The following RANBP2 variants were observed in gnomAD, a reference collection of about 807,000 sequenced individuals.
The protein encoded by RANBP2 is E3 SUMO-protein ligase RanBP2.
A neutral mutation model predicts 303.6 loss-of-function variants in RANBP2; 57 were observed. That is an observed-to-expected ratio of 0.19 (90% CI 0.15 to 0.23). The LOEUF (loss-of-function observed/expected upper bound fraction) is 0.23. Among genes scored for constraint, RANBP2 ranks in the 10% least tolerant of loss-of-function variants. The pLI is 1.00. For missense variants in RANBP2, 3,138 were observed against 3,780.8 expected, an observed-to-expected ratio of 0.83 and a Z score of 4.46; for synonymous variants, 1,167 against 1,301.5, an observed-to-expected ratio of 0.90 and a Z score of 2.23.
At chr2:108,948,098 A>C in the RANBP2 span, among the ~76,000 whole-genome samples, 45,057 of 152,068 alleles carry the variant, frequency 0.3, 10,619 homozygotes, top group East Asian at 0.94. Context: ...AGATGCCCTA[A>C]ATCATCTCTC....
chr2:109,118,659 G>A, the RANBP2 span, among the ~76,000 whole-genome samples: 1 of 152,022 alleles, frequency 6.6e-6, no homozygotes, highest in Non-Finnish European at 1.5e-5. Flanking sequence ...CTTGTGAGGA[G>A]CAATACCTCA....
At chr2:109,614,385 G>C in the RANBP2 span, 1 of 924,534 alleles carries the variant, frequency 1.1e-6, no homozygotes, top group Non-Finnish European at 1.4e-6. Context: ...CTGGCAGCCC[G>C]CTGAGCCCGC....
chr2:109,268,938 T>C, the RANBP2 span, among the ~76,000 whole-genome samples: 1 of 152,180 alleles, frequency 6.6e-6, no homozygotes, highest in South Asian at 2.1e-4. Flanking sequence ...TCAGGAAGCA[T>C]CTGTATCTTT....
chr2:109,162,356 C>T, the RANBP2 span, among the ~76,000 whole-genome samples: 1 of 152,164 alleles, frequency 6.6e-6, no homozygotes, highest in Non-Finnish European at 1.5e-5. Flanking sequence ...AGAGCCGGGC[C>T]TCTCTCATTT....
chr2:108,733,044 G>T (rs1277642232), intron 4 of RANBP2, among the ~76,000 whole-genome samples: 1 of 151,902 alleles, frequency 6.6e-6, no homozygotes, highest in Admixed American at 6.6e-5. Flanking sequence ...GGCTGGTCTC[G>T]AACTCCTGAC....
the RANBP2 span, among the ~76,000 whole-genome samples, chr2:109,475,685 T>C: frequency 6.6e-6 from 1 of 152,242 alleles, no homozygotes; most frequent in Non-Finnish European, 1.5e-5. Context: ...TTCTACTTTG[T>C]GGATGCCAGT....
the RANBP2 span, among the ~76,000 whole-genome samples, chr2:109,202,416 C>G: frequency 6.6e-6 from 1 of 152,164 alleles, no homozygotes; most frequent in Non-Finnish European, 1.5e-5. Context: ...CTTAATTGTA[C>G]TTTTTAGTAC....
the RANBP2 span, among the ~76,000 whole-genome samples, chr2:109,219,893 A>C: frequency 2.6e-5 from 4 of 152,298 alleles, no homozygotes; most frequent in Middle Eastern, 3.4e-3. Context: ...TCAAAACCCC[A>C]ATGGCGTTTT....
the RANBP2 span, among the ~76,000 whole-genome samples, chr2:108,904,121 A>G: frequency 1.3e-5 from 2 of 152,192 alleles, no homozygotes; most frequent in Admixed American, 1.3e-4. Flanking sequence ...CTCAACAGCA[A>G]AAAAATCATA....
the RANBP2 span, among the ~76,000 whole-genome samples, chr2:108,970,394 G>C: frequency 2.0e-5 from 3 of 152,174 alleles, no homozygotes; most frequent in Non-Finnish European, 4.4e-5. Context: ...TGGGAGCCCA[G>C]AGTTCACCTA....
At chr2:108,773,400 GT>G (rs898805130) in intron 23 of RANBP2, among the ~76,000 whole-genome samples, 12 of 152,086 alleles carry the variant, frequency 7.9e-5, no homozygotes, top group Non-Finnish European at 1.8e-4. Context: ...ATAATAATGG[GT>G]TGTGGCTACT....
At chr2:108,789,079 A>C, downstream of RANBP2, 1 of 950,158 alleles carries the variant, frequency 1.1e-6, no homozygotes, top group Non-Finnish European at 1.6e-6. Flanking sequence ...TATGAGGACA[A>C]GTATAAGGCA....
At chr2:109,221,476 G>A in the RANBP2 span, among the ~76,000 whole-genome samples, 13 of 152,054 alleles carry the variant, frequency 8.5e-5, no homozygotes, top group East Asian at 3.9e-4. Context: ...CCAGCTACTC[G>A]GGAGGCTGAG....
At chr2:108,902,554 G>T in the RANBP2 span, among the ~76,000 whole-genome samples, 3 of 152,076 alleles carry the variant, frequency 2.0e-5, no homozygotes, top group Non-Finnish European at 4.4e-5. Flanking sequence ...GTATAAACTG[G>T]ATACCAAAAC....
chr2:108,830,545 G>A, the RANBP2 span, among the ~76,000 whole-genome samples: 2 of 152,160 alleles, frequency 1.3e-5, no homozygotes, highest in African/African-American at 2.4e-5. Context: ...CATGGCTCAC[G>A]CCTGTAATCC....
chr2:108,907,365 G>C, the RANBP2 span, among the ~76,000 whole-genome samples: 30 of 152,096 alleles, frequency 2.0e-4, no homozygotes, highest in Non-Finnish European at 3.8e-4. Flanking sequence ...AAACAAAGTG[G>C]CTGGGCGTGG....
Position 108,763,699 on chromosome 2 carries a change from C to G in RANBP2, c.3160C>G (p.Gln1054Glu). The part of the protein sequence containing the change: ...FTFSSPQVVT[Q>E]PPPAAYSNSE... The stretch of plus-strand genomic sequence containing the variant: ...GTTTTCCTCACCACAGGTTGTGACA[C>G]AGCCCCCTCCTGCAGCTTACAGTAA... The change falls in exon 20 of 29, where the codon CAG (glutamine) becomes GAG (glutamate). Residue 1054 changes from glutamine (Q) to glutamate (E), a missense_variant. Physicochemically the swap from Gln to Glu is conservative, Grantham distance 29. This residue lies in a region of RANBP2 where 403 missense variants were observed against 376.7 expected (regional missense o/e 1.07). Transcript: ENST00000283195. 1 of 1,614,132 alleles carries G rather than the reference C, an allele frequency of 6.2e-7. No homozygotes were observed. Among genetic ancestry groups the G allele is most frequent in the Non-Finnish European group, 8.5e-7 (1 of 1,179,988 alleles).
chr2:109,608,434 A>T, the RANBP2 span, among the ~76,000 whole-genome samples: 3 of 152,224 alleles, frequency 2.0e-5, no homozygotes, highest in Admixed American at 2.0e-4. Context: ...GATAAACTTG[A>T]TCTGATTCTT....
the RANBP2 span, among the ~76,000 whole-genome samples, chr2:109,075,317 C>T: frequency 4.0e-5 from 6 of 150,200 alleles, no homozygotes; most frequent in East Asian, 1.9e-4. Context: ...CACTGCCTAC[C>T]GGGTTCAAGC....
Sources: allele counts gnomAD v4.1 joint callset (sites outside exome capture counted in the v4.1 genomes callset), GRCh38; gene constraint gnomAD v4.1.1; regional missense constraint gnomAD v4.1.1; transcripts MANE v1.5; gene names NCBI Gene and HGNC (gene_info 2026-07-23, HGNC 2026-07-21).